PRKG1: variants seen among roughly 807,000 people sequenced by gnomAD.
PRKG1 encodes the protein cGMP-dependent protein kinase 1.
In PRKG1, 35 loss-of-function variants were observed where a neutral mutation model predicts 88.1. That is an observed-to-expected ratio of 0.40 (90% confidence interval 0.30 to 0.53). PRKG1 has a LOEUF of 0.53. Among genes scored for constraint, PRKG1 ranks in the 20% least tolerant of loss-of-function variants. The pLI is 0.59. For missense variants in PRKG1, 540 were observed against 839.8 expected (o/e 0.64, Z 4.41); for synonymous variants, 303 against 292.5 (o/e 1.04, Z -0.37).
At chr10:51,136,182 A>G (rs1845681561) in intron 1 of PRKG1, among the ~76,000 whole-genome samples, 1 of 151,982 alleles carries the variant, frequency 6.6e-6, no homozygotes, top group Non-Finnish European at 1.5e-5. Context: ...GAGAGAGGGG[A>G]TAAGTTCGAA....
At chr10:51,849,680 CTT>C (rs1230163577) in intron 4 of PRKG1, among the ~76,000 whole-genome samples, 2 of 152,118 alleles carry the variant, frequency 1.3e-5, no homozygotes, top group Non-Finnish European at 2.9e-5. Flanking sequence ...ACCAAATTCT[CTT>C]CTTACCTGAT....
chr10:51,852,954 G>C (rs935942457), intron 4 of PRKG1, among the ~76,000 whole-genome samples: 1 of 152,052 alleles, frequency 6.6e-6, no homozygotes, highest in Non-Finnish European at 1.5e-5. Flanking sequence ...TTTTTAAACT[G>C]TTAAGTATTT....
At chr10:51,237,577 G>T (rs60496601) in intron 2 of PRKG1, among the ~76,000 whole-genome samples, 2 of 152,046 alleles carry the variant, frequency 1.3e-5, no homozygotes, top group Non-Finnish European at 2.9e-5. Context: ...GCATTGACTG[G>T]CACCCACGCT....
chr10:51,329,454 T>G (rs1221506510), intron 2 of PRKG1, among the ~76,000 whole-genome samples: 1 of 152,254 alleles, frequency 6.6e-6, no homozygotes, highest in Non-Finnish European at 1.5e-5. Context: ...AAGACATAAG[T>G]AATTTACAAA....
intron 1 of PRKG1, among the ~76,000 whole-genome samples, chr10:51,104,698 T>A (rs1589155108): frequency 7.3e-6 from 1 of 136,154 alleles, no homozygotes; most frequent in South Asian, 2.5e-4. Context: ...TTTATTTTTA[T>A]TTTATTTATT....
At chr10:51,868,736 A>G (rs1030239938) in intron 4 of PRKG1, among the ~76,000 whole-genome samples, 8 of 152,180 alleles carry the variant, frequency 5.3e-5, no homozygotes, top group African/African-American at 1.9e-4. Context: ...TGTACTAGCT[A>G]CCTGCATAAA....
chr10:51,824,206 A>G (rs1051558994), intron 4 of PRKG1, among the ~76,000 whole-genome samples: 10 of 152,146 alleles, frequency 6.6e-5, no homozygotes, highest in African/African-American at 2.4e-4. Flanking sequence ...CATATGATAA[A>G]TTCCTTATAG....
At chr10:52,155,085 G>T (rs2132674835) in intron 8 of PRKG1, among the ~76,000 whole-genome samples, 1 of 152,168 alleles carries the variant, frequency 6.6e-6, no homozygotes, top group South Asian at 2.1e-4. Context: ...ATTGTGAATT[G>T]TGCGGTTACA....
intron 3 of PRKG1, among the ~76,000 whole-genome samples, chr10:51,617,828 C>T (rs1329444988): frequency 6.6e-6 from 1 of 152,116 alleles, no homozygotes; most frequent in Non-Finnish European, 1.5e-5. Flanking sequence ...TCTCTGTATC[C>T]TGCTTGTTTT....
chr10:51,658,965 G>T (rs1192147420), intron 3 of PRKG1, among the ~76,000 whole-genome samples: 1 of 151,988 alleles, frequency 6.6e-6, no homozygotes, highest in Non-Finnish European at 1.5e-5. Flanking sequence ...AGACAAAAAT[G>T]ACACACTTGG....
At chr10:51,435,017 A>G (rs981053789) in intron 2 of PRKG1, among the ~76,000 whole-genome samples, 1 of 151,972 alleles carries the variant, frequency 6.6e-6, no homozygotes, top group African/African-American at 2.4e-5. Flanking sequence ...CATTTTAATC[A>G]CCATAAAAAA....
chr10:52,207,252 C>T (rs890322546), intron 9 of PRKG1, among the ~76,000 whole-genome samples: 2 of 151,816 alleles, frequency 1.3e-5, no homozygotes, highest in Non-Finnish European at 2.9e-5. Flanking sequence ...CGGGAGGATG[C>T]TGTGTGGAGA....
chr10:51,791,614 C>T (rs987571223), intron 3 of PRKG1, among the ~76,000 whole-genome samples: 2 of 151,820 alleles, frequency 1.3e-5, no homozygotes, highest in East Asian at 1.9e-4. Context: ...AATATGGTAC[C>T]GATATAACTC....
At chr10:52,176,495 C>A (rs1409244531) in intron 9 of PRKG1, among the ~76,000 whole-genome samples, 1 of 152,022 alleles carries the variant, frequency 6.6e-6, no homozygotes, top group East Asian at 1.9e-4. Flanking sequence ...ATTGCTTTAG[C>A]TACTCAAGAT....
At chr10:51,679,053 A>T (rs1052205266) in intron 3 of PRKG1, among the ~76,000 whole-genome samples, 2 of 152,174 alleles carry the variant, frequency 1.3e-5, no homozygotes, top group African/African-American at 2.4e-5. Context: ...ATTAGGCTAG[A>T]TATTTAGAAA....
chr10:51,774,314 T>C (rs1018321604), intron 3 of PRKG1, among the ~76,000 whole-genome samples: 1 of 152,088 alleles, frequency 6.6e-6, no homozygotes, highest in African/African-American at 2.4e-5. Flanking sequence ...CTTCTTGGAG[T>C]ATCAATTAGA....
chr10:51,157,032 G>T (rs1846231443), intron 2 of PRKG1, among the ~76,000 whole-genome samples: 1 of 151,910 alleles, frequency 6.6e-6, no homozygotes, highest in African/African-American at 2.4e-5. Flanking sequence ...TTCATAAAAT[G>T]CTTAACATGT....
intron 2 of PRKG1, among the ~76,000 whole-genome samples, chr10:51,248,186 G>C (rs904309153): frequency 6.6e-6 from 1 of 151,734 alleles, no homozygotes; most frequent in African/African-American, 2.4e-5. Flanking sequence ...GGCTGCCCAG[G>C]ACAGTTATTG....
intron 2 of PRKG1, among the ~76,000 whole-genome samples, chr10:51,312,321 A>T (rs913524512): frequency 3.9e-5 from 6 of 152,182 alleles, no homozygotes; most frequent in African/African-American, 7.2e-5. Context: ...CTGGAAAATG[A>T]AAACTACAAA....
Sources: gnomAD v4.1 joint callset for allele counts (sites outside exome capture counted in the v4.1 genomes callset) on GRCh38, gnomAD v4.1.1 for gene constraint, MANE v1.5 for transcripts, NCBI Gene and HGNC (gene_info 2026-07-23, HGNC 2026-07-21) for gene names.